Variants in CDK13 observed in about 807,000 individuals in gnomAD.
The protein encoded by CDK13 is cyclin-dependent kinase 13.
In CDK13, 40 loss-of-function variants were observed where a neutral mutation model predicts 137.6. That is an observed-to-expected ratio of 0.29 (90% CI 0.23 to 0.38). CDK13 has a LOEUF of 0.38. Among genes scored for constraint, CDK13 ranks in the 10% least tolerant of loss-of-function variants. The pLI is 1.00. For missense variants in CDK13, 1,704 were observed against 1,951.8 expected, an observed-to-expected ratio of 0.87 and a Z score of 2.39; for synonymous variants, 869 against 760.1, an observed-to-expected ratio of 1.14 and a Z score of -2.36.
intron 9 of CDK13, among the ~76,000 whole-genome samples, chr7:40,068,445 C>G (rs1242438259): frequency 6.6e-6 from 1 of 151,810 alleles, no homozygotes; most frequent in Non-Finnish European, 1.5e-5. Flanking sequence ...CCTCTAGTCC[C>G]AACACTTTGG....
Position 40,097,748 on chromosome 7 carries a change from T to G in CDK13, c.*2768T>G, listed in dbSNP as rs1201622582. 1.3e-5 allele frequency: 2 copies of G among 152,150 alleles called. No individual in the cohort carries two copies. The highest frequency in any genetic ancestry group is 4.1e-4 in the South Asian group (2 of 4,828). The allele number at this position is 152,150 out of a possible 1,614,324, so 9.4% of individuals were successfully genotyped here. A position where few individuals can be genotyped will look rare whatever the true frequency, so the allele number is the denominator to read the frequency against. On this transcript the variant is annotated 3_prime_UTR_variant, in exon 14 of 14. Coordinates refer to ENST00000181839, the MANE Select transcript of CDK13 (RefSeq NM_003718.5). ...TTTTCTGCATGCAACTCAGTATGTT[T>G]CCTACGTCTTCATTATTTGTTGGAG... is the stretch of plus-strand genomic sequence containing the variant.
At chr7:39,992,678 C>G (rs1219493334) in intron 2 of CDK13, among the ~76,000 whole-genome samples, 2 of 151,940 alleles carry the variant, frequency 1.3e-5, no homozygotes, top group African/African-American at 4.8e-5. Flanking sequence ...CCCCCCTACC[C>G]CCTGCCCCCA....
chr7:40,029,287 T>A (rs1325106527), intron 5 of CDK13, among the ~76,000 whole-genome samples: 1 of 151,400 alleles, frequency 6.6e-6, no homozygotes, highest in African/African-American at 2.4e-5. Context: ...AATCATTCGA[T>A]CGTGGTGATG....
At chr7:40,083,582 A>G (rs1034049425) in intron 11 of CDK13, among the ~76,000 whole-genome samples, 1 of 152,198 alleles carries the variant, frequency 6.6e-6, no homozygotes, top group Non-Finnish European at 1.5e-5. Context: ...TTGGAACTAT[A>G]GGTTTATCCC....
intron 1 of CDK13, among the ~76,000 whole-genome samples, chr7:39,959,271 C>T (rs1488686849): frequency 6.6e-6 from 1 of 151,718 alleles, no homozygotes; most frequent in Non-Finnish European, 1.5e-5. Flanking sequence ...AAGCGATTCT[C>T]CTTCTTCAGC....
intron 6 of CDK13, 49 bp from the exon 7 acceptor site, chr7:40,047,772 A>G: frequency 5.5e-6 from 7 of 1,278,096 alleles, no homozygotes; most frequent in Middle Eastern, 1.8e-4. Context: ...TGTATTGTCA[A>G]TTAAGAGTAA....
intron 1 of CDK13, among the ~76,000 whole-genome samples, chr7:39,981,811 A>G (rs1344820721): frequency 3.9e-5 from 5 of 127,036 alleles, no homozygotes; most frequent in Non-Finnish European, 6.7e-5. Flanking sequence ...TTTTTTTTTG[A>G]GACGGAGTCT....
chr7:39,977,610 A>G (rs1233162796), intron 1 of CDK13, among the ~76,000 whole-genome samples: 2 of 152,190 alleles, frequency 1.3e-5, no homozygotes, highest in East Asian at 1.9e-4. Context: ...GAAGAGAGGA[A>G]TATGAGAGAA....
At chr7:39,958,955 G>T (rs1008726022) in intron 1 of CDK13, among the ~76,000 whole-genome samples, 5 of 151,682 alleles carry the variant, frequency 3.3e-5, no homozygotes, top group Non-Finnish European at 7.4e-5. Context: ...GGTTTTTTTT[G>T]TTGTTTTGTA....
At chr7:39,968,436 C>G (rs1783919948) in intron 1 of CDK13, among the ~76,000 whole-genome samples, 1 of 152,170 alleles carries the variant, frequency 6.6e-6, no homozygotes, top group Non-Finnish European at 1.5e-5. Flanking sequence ...CAGGGTCTTG[C>G]TGTGTTGCCA....
Position 39,951,285 on chromosome 7 carries a change from A to T in CDK13, c.644A>T (p.Glu215Val). Residue 215 changes from glutamate to valine, a missense_variant, in exon 1 of 14, where the codon GAG (glutamate) becomes GTG (valine). Physicochemically the swap from Glu to Val is moderately radical, Grantham distance 121. Coordinates refer to ENST00000181839, the MANE Select transcript of CDK13 (RefSeq NM_003718.5). Reference sequence around the variant, plus strand: ...GGCCGCAGCAAGGAGCGCCACCGCGAGCACCGGCGGCGGGATGGGCAGCGC... The same window carrying T: ...GGCCGCAGCAAGGAGCGCCACCGCGTGCACCGGCGGCGGGATGGGCAGCGC... ...SSGRSKERHR[E>V]HRRRDGQRGG... is the part of the protein sequence containing the mutation. The T allele has an allele frequency of 7.3e-7, 1 of 1,361,958 alleles. No homozygotes were observed. The highest frequency in any genetic ancestry group is 9.4e-7 in the Non-Finnish European group (1 of 1,066,368). 84.4% of individuals were successfully genotyped at this position (1,361,958 alleles called of 1,614,324 possible). A position where few individuals can be genotyped will look rare whatever the true frequency, so the allele number is the denominator to read the frequency against.
At chr7:39,990,597 A>C (rs1055100738) in intron 2 of CDK13, among the ~76,000 whole-genome samples, 1 of 152,220 alleles carries the variant, frequency 6.6e-6, no homozygotes, top group African/African-American at 2.4e-5. Context: ...CAGGAGACTT[A>C]TTTTATATTT....
intron 1 of CDK13, among the ~76,000 whole-genome samples, chr7:39,966,766 A>T (rs1783881506): frequency 6.6e-6 from 1 of 151,910 alleles, no homozygotes; most frequent in Non-Finnish European, 1.5e-5. Context: ...GTCTTTGATG[A>T]TGGTGATGTA....
intron 5 of CDK13, among the ~76,000 whole-genome samples, chr7:40,027,413 A>AT (rs1281801998): frequency 6.6e-6 from 1 of 152,180 alleles, no homozygotes; most frequent in East Asian, 1.9e-4. Flanking sequence ...GCTACTTTAG[A>AT]TTTTTTGGTA....
At chr7:39,969,096 A>G (rs1016027008) in intron 1 of CDK13, among the ~76,000 whole-genome samples, 9 of 151,644 alleles carry the variant, frequency 5.9e-5, no homozygotes, top group African/African-American at 9.7e-5. Context: ...TGCAACCTCT[A>G]CCTCCCAGGT....
intron 12 of CDK13, among the ~76,000 whole-genome samples, chr7:40,090,206 G>T (rs1786890679): frequency 6.6e-6 from 1 of 152,206 alleles, no homozygotes; most frequent in Non-Finnish European, 1.5e-5. Flanking sequence ...TCATGGAACT[G>T]ATGTCTTAAA....
At chr7:39,997,429 C>T in intron 2 of CDK13, 65 bp from the exon 3 acceptor site, 1 of 1,185,546 alleles carries the variant, frequency 8.4e-7, no homozygotes, top group Admixed American at 2.1e-5. Context: ...AAATGTAAGT[C>T]ATAAGCATAT....
intron 5 of CDK13, among the ~76,000 whole-genome samples, chr7:40,016,048 T>TAGAATTCTGCAGTTAAATTCTGCACTGGG (rs1784998601): frequency 6.6e-6 from 1 of 152,206 alleles, no homozygotes; most frequent in Non-Finnish European, 1.5e-5. Context: ...CAAGAACAGA[T>TAGAATTCTGCAGTTAAATTCTGCACTGGG]AGAATTCTGC....
At chr7:40,063,689 A>C (rs910144130) in intron 9 of CDK13, among the ~76,000 whole-genome samples, 2 of 151,536 alleles carry the variant, frequency 1.3e-5, no homozygotes, top group Non-Finnish European at 2.9e-5. Flanking sequence ...ATAGAGTCTC[A>C]CTCTGTCACC....
Sources: gnomAD v4.1 joint callset for allele counts (sites outside exome capture counted in the v4.1 genomes callset) on GRCh38, gnomAD v4.1.1 for gene constraint, MANE v1.5 for transcripts, NCBI Gene and HGNC (gene_info 2026-07-23, HGNC 2026-07-21) for gene names.